The following RBFOX1 variants were observed in gnomAD, a reference collection of about 807,000 sequenced individuals.
The protein encoded by RBFOX1 is RNA binding fox-1 homolog 1.
In RBFOX1, 8 loss-of-function variants were observed where a neutral mutation model predicts 57.7. That is an observed-to-expected ratio of 0.14 (90% confidence interval 0.08 to 0.25). The LOEUF (loss-of-function observed/expected upper bound fraction) is 0.25. Among genes scored for constraint, RBFOX1 ranks in the 10% least tolerant of loss-of-function variants. The pLI is 1.00. For missense variants in RBFOX1, 611 were observed against 548.5 expected (o/e 1.11, Z -1.14); for synonymous variants, 326 against 222.4 (o/e 1.47, Z -4.15).
intron 2 of RBFOX1, among the ~76,000 whole-genome samples, chr16:5,517,240 T>C (rs1483115119): frequency 1.3e-5 from 2 of 152,208 alleles, no homozygotes; most frequent in Non-Finnish European, 2.9e-5. Flanking sequence ...CTCCAGAGCC[T>C]GGATGTAGAT....
chr16:6,160,932 A>T (rs1300461679), intron 1 of RBFOX1, among the ~76,000 whole-genome samples: 1 of 152,134 alleles, frequency 6.6e-6, no homozygotes. Context: ...TTATCATATC[A>T]TGACTAGAAC....
chr16:5,264,852 C>A (rs989976720), intron 1 of RBFOX1, among the ~76,000 whole-genome samples: 1 of 152,058 alleles, frequency 6.6e-6, no homozygotes, highest in African/African-American at 2.4e-5. Flanking sequence ...AGTCTTAGGG[C>A]AAGTTTGATG....
chr16:5,388,195 C>G (rs892098807), intron 1 of RBFOX1, among the ~76,000 whole-genome samples: 1 of 152,150 alleles, frequency 6.6e-6, no homozygotes, highest in Non-Finnish European at 1.5e-5. Flanking sequence ...ACAGCAGTAG[C>G]AGGAAACCAG....
At chr16:6,431,896 GCTTTCTTTCTTTCTTT>G (rs869041704) in intron 2 of RBFOX1, among the ~76,000 whole-genome samples, 3,912 of 128,046 alleles carry the variant, frequency 0.031, 96 homozygotes, top group South Asian at 0.048. Context: ...TTGCTTGCTT[GCTTTCTTTCTTTCTTT>G]CTTTCTTTCT....
chr16:7,469,613 C>A (rs2061190022), intron 4 of RBFOX1, among the ~76,000 whole-genome samples: 1 of 152,206 alleles, frequency 6.6e-6, no homozygotes, highest in Non-Finnish European at 1.5e-5. Context: ...AGTTCCCATG[C>A]ACCCACACTC....
chr16:5,679,251 C>G (rs2050257042), intron 3 of RBFOX1, among the ~76,000 whole-genome samples: 1 of 152,110 alleles, frequency 6.6e-6, no homozygotes, highest in Admixed American at 6.5e-5. Context: ...GAACCTCATG[C>G]TTCTCTTAAG....
chr16:6,059,920 A>G (rs912976940), intron 1 of RBFOX1, among the ~76,000 whole-genome samples: 1 of 152,168 alleles, frequency 6.6e-6, no homozygotes, highest in Non-Finnish European at 1.5e-5. Flanking sequence ...TGCAGCAAGT[A>G]TAAAATTATA....
intron 2 of RBFOX1, among the ~76,000 whole-genome samples, chr16:6,471,864 C>G (rs2095183268): frequency 6.6e-6 from 1 of 152,092 alleles, no homozygotes; most frequent in Non-Finnish European, 1.5e-5. Context: ...AGGAAGTCGA[C>G]TTGCATCAGA....
chr16:6,213,743 T>G (rs1246373289), intron 1 of RBFOX1, among the ~76,000 whole-genome samples: 1 of 152,218 alleles, frequency 6.6e-6, no homozygotes, highest in Non-Finnish European at 1.5e-5. Flanking sequence ...TGTATCCCTC[T>G]CCATCCCTTT....
chr16:5,957,709 T>A (rs967523203), intron 4 of RBFOX1, among the ~76,000 whole-genome samples: 2 of 152,116 alleles, frequency 1.3e-5, no homozygotes, highest in Non-Finnish European at 2.9e-5. Context: ...GTGTGTATAT[T>A]TGGGGGGCAC....
chr16:5,566,616 ATATGTATG>A (rs1477919250), intron 2 of RBFOX1, among the ~76,000 whole-genome samples: 1 of 150,762 alleles, frequency 6.6e-6, no homozygotes, highest in South Asian at 2.1e-4. Context: ...GTATATATGT[ATATGTATG>A]TATATATGTG....
intron 14 of RBFOX1, among the ~76,000 whole-genome samples, chr16:7,704,638 T>C (rs888821808): frequency 2.0e-5 from 3 of 152,178 alleles, no homozygotes; most frequent in African/African-American, 7.2e-5. Context: ...CCAGCCTCCA[T>C]GGAGTTCTCG....
chr16:5,433,937 C>A (rs2067832188), intron 1 of RBFOX1, among the ~76,000 whole-genome samples: 1 of 152,162 alleles, frequency 6.6e-6, no homozygotes, highest in Non-Finnish European at 1.5e-5. Flanking sequence ...GTCACTGTTT[C>A]TCAGTCCAGG....
chr16:5,803,537 A>G (rs1330492755), intron 3 of RBFOX1, among the ~76,000 whole-genome samples: 5 of 152,154 alleles, frequency 3.3e-5, no homozygotes, highest in East Asian at 1.9e-4. Flanking sequence ...AAATGAAATC[A>G]TGACCGTGAA....
chr16:7,158,220 C>T (rs2077539810), intron 4 of RBFOX1, among the ~76,000 whole-genome samples: 1 of 152,022 alleles, frequency 6.6e-6, no homozygotes, highest in South Asian at 2.1e-4. Flanking sequence ...CCGGTGGGCT[C>T]CTGTAATCCC....
chr16:5,682,593 G>C (rs1387923040), intron 3 of RBFOX1, among the ~76,000 whole-genome samples: 3 of 152,138 alleles, frequency 2.0e-5, no homozygotes, highest in Non-Finnish European at 4.4e-5. Flanking sequence ...TGGGAGGAAG[G>C]AATTATCCCC....
chr16:6,574,582 C>G (rs545690980), intron 2 of RBFOX1, among the ~76,000 whole-genome samples: 1 of 150,602 alleles, frequency 6.6e-6, no homozygotes, highest in African/African-American at 2.4e-5. Flanking sequence ...GCGCCCGCCA[C>G]CAAGCCCAGC....
chr16:6,020,458 C>A (rs1409308467), intron 1 of RBFOX1, among the ~76,000 whole-genome samples: 1 of 152,252 alleles, frequency 6.6e-6, no homozygotes, highest in East Asian at 1.9e-4. Context: ...GTGCCCCGAA[C>A]CCCTTGTGGG....
chr16:7,381,570 G>T (rs1238728292), intron 4 of RBFOX1, among the ~76,000 whole-genome samples: 1 of 151,786 alleles, frequency 6.6e-6, no homozygotes, highest in Non-Finnish European at 1.5e-5. Context: ...CTAAAAAGAG[G>T]ATTTGTTTTG....
Sources: gnomAD v4.1 joint callset for allele counts (sites outside exome capture counted in the v4.1 genomes callset) on GRCh38, gnomAD v4.1.1 for gene constraint, MANE v1.5 for transcripts, NCBI Gene and HGNC (gene_info 2026-07-23, HGNC 2026-07-21) for gene names.